SH3RF3: variants seen among roughly 807,000 people sequenced by gnomAD.
SH3RF3 encodes SH3 domain containing ring finger 3.
SH3RF3 carries 29 observed loss-of-function variants against 66.3 expected under a neutral mutation model. The ratio of observed to expected loss-of-function variants is 0.44; its 90% CI spans 0.33 to 0.60. The LOEUF (loss-of-function observed/expected upper bound fraction) is 0.60. SH3RF3 is among the 20% of genes least tolerant of loss of function. SH3RF3 has a pLI of 0.04. For missense variants in SH3RF3, 1,194 were observed against 1,190.9 expected (o/e 1.00, Z -0.04); for synonymous variants, 583 against 532.0 (o/e 1.10, Z -1.32).
chr2:109,153,636 A>G (rs528907403), intron 1 of SH3RF3, among the ~76,000 whole-genome samples: 39 of 152,194 alleles, frequency 2.6e-4, no homozygotes, highest in African/African-American at 9.4e-4. Context: ...GTGGCATAGT[A>G]AAACATGAGA....
At chr2:109,455,042 T>C (rs975386839) in intron 8 of SH3RF3, among the ~76,000 whole-genome samples, 2 of 152,224 alleles carry the variant, frequency 1.3e-5, no homozygotes, top group Non-Finnish European at 2.9e-5. Flanking sequence ...CCATTTTCCA[T>C]GATGTTCCTG....
rs1000226594 is a variant in SH3RF3, at chr2:109,372,172, G to A, written c.945+491G>A. Among the ~76,000 whole-genome samples, 6 of 152,358 alleles carry A rather than the reference G, an allele frequency of 3.9e-5. No homozygotes were observed. The South Asian group carries it at 8.3e-4, about 21-fold the overall frequency. On this transcript the variant is annotated intron_variant, in intron 3 of 9. Coordinates refer to ENST00000309415, the MANE Select transcript of SH3RF3 (RefSeq NM_001099289.3). ...TATTGGGCAACTCTTCTGCCTGAGA[G>A]GCACCACAGCAAAGGTGTTTTGAGG... is the stretch of plus-strand genomic sequence containing the variant.
At chr2:109,405,646 T>C (rs1676434454) in intron 4 of SH3RF3, among the ~76,000 whole-genome samples, 1 of 152,240 alleles carries the variant, frequency 6.6e-6, no homozygotes, top group Non-Finnish European at 1.5e-5. Flanking sequence ...AGAAGGCTCC[T>C]GCCCGCCCTT....
intron 2 of SH3RF3, among the ~76,000 whole-genome samples, chr2:109,348,825 G>A (rs1213835667): frequency 6.6e-6 from 1 of 151,806 alleles, no homozygotes; most frequent in Non-Finnish European, 1.5e-5. Flanking sequence ...CCTGCTCCCC[G>A]CCGCCCCCAG....
intron 1 of SH3RF3, among the ~76,000 whole-genome samples, chr2:109,230,419 A>G (rs1479357060): frequency 6.6e-6 from 1 of 152,074 alleles, no homozygotes; most frequent in Non-Finnish European, 1.5e-5. Context: ...TTTACTAAAA[A>G]AAATGGAAAA....
At position 109,356,171 on chromosome 2, in the gene SH3RF3, G is replaced by A. The variant is rs373050737; in HGVS notation, c.849+8222G>A. ...CTTAGAGTTAATTATGGATTTTTAG[G>A]TACAGGGAGTGGCTGACTTCCTGCA... On this transcript the variant is annotated intron_variant, in intron 2 of 9. Coordinates refer to ENST00000309415, the MANE Select transcript of SH3RF3 (RefSeq NM_001099289.3). Among the ~76,000 whole-genome samples the A allele has an allele frequency of 2.0e-5, 3 of 152,172 alleles. No homozygotes were observed. In the East Asian group the frequency reaches 5.8e-4, roughly 29 times the overall value.
At chr2:109,468,445 G>A (rs1482193056) in intron 8 of SH3RF3, among the ~76,000 whole-genome samples, 2 of 152,116 alleles carry the variant, frequency 1.3e-5, no homozygotes, top group South Asian at 2.1e-4. Context: ...TGACCAAAAC[G>A]TCCTTATGTA....
Position 109,494,932 on chromosome 2 carries a change from A to G in SH3RF3, c.2480+3996A>G, listed in dbSNP as rs187003781. On this transcript the variant is annotated intron_variant, in intron 9 of 9. Coordinates refer to ENST00000309415, the MANE Select transcript of SH3RF3 (RefSeq NM_001099289.3). The stretch of plus-strand genomic sequence containing the variant: ...TGCTGCAGAGGGAGCTCCTCTGAGA[A>G]AGGACTAGGGGAGTGTACTGTGAGC... 7.9e-5 allele frequency among the ~76,000 whole-genome samples: 12 copies of G among 152,078 alleles called. No homozygotes were observed. The East Asian group carries it at 2.3e-3, about 30-fold the overall frequency.
At chr2:109,317,640 A>C (rs1317009313) in intron 1 of SH3RF3, among the ~76,000 whole-genome samples, 1 of 152,130 alleles carries the variant, frequency 6.6e-6, no homozygotes, top group Middle Eastern at 3.2e-3. Context: ...GGAAAAAGAG[A>C]ACTGGCTGAG....
intron 1 of SH3RF3, among the ~76,000 whole-genome samples, chr2:109,223,004 G>A (rs1437042947): frequency 6.6e-6 from 1 of 152,226 alleles, no homozygotes; most frequent in Non-Finnish European, 1.5e-5. Flanking sequence ...ACCCTTCAGG[G>A]TGAAGAGGGC....
At chr2:109,344,996 C>G (rs1235943533) in intron 1 of SH3RF3, among the ~76,000 whole-genome samples, 1 of 152,112 alleles carries the variant, frequency 6.6e-6, no homozygotes, top group Admixed American at 6.5e-5. Flanking sequence ...AGGGGGGTGT[C>G]AGGGAGGCCT....
rs1046291249 is a variant in SH3RF3 at position 109,347,785 on chromosome 2, G to C, written c.685G>C (p.Glu229Gln). Residue 229 changes from glutamate to glutamine, a missense_variant, in exon 2 of 10, where the codon GAA (glutamate) becomes CAA (glutamine). Physicochemically the swap from Glu to Gln is conservative, Grantham distance 29. Coordinates refer to ENST00000309415, the MANE Select transcript of SH3RF3 (RefSeq NM_001099289.3). The stretch of plus-strand genomic sequence containing the variant: ...CATCGTCCTGCGGCGCAAGGTGGAT[G>C]AACAGTGGTACCACGGCGAGCTGCA... The part of the protein sequence containing the change: ...DIIVLRRKVD[E>Q]QWYHGELHGT... The C allele has an allele frequency of 6.2e-7, 1 of 1,613,876 alleles. No homozygotes were observed.
chr2:109,289,439 A>G (rs895186621), intron 1 of SH3RF3, among the ~76,000 whole-genome samples: 1 of 152,110 alleles, frequency 6.6e-6, no homozygotes. Flanking sequence ...GGATTTCTTG[A>G]TGCTACATGT....
chr2:109,350,745 T>A (rs1215216569), intron 2 of SH3RF3, among the ~76,000 whole-genome samples: 3 of 152,242 alleles, frequency 2.0e-5, no homozygotes, highest in Non-Finnish European at 1.5e-5. Context: ...AACCTCCATG[T>A]GAATCAGACC....
chr2:109,248,831 CTT>C (rs1679984572), intron 1 of SH3RF3, among the ~76,000 whole-genome samples: 1 of 150,028 alleles, frequency 6.7e-6, no homozygotes, highest in Non-Finnish European at 1.5e-5. Flanking sequence ...CTCTTTCTCT[CTT>C]TTCTCCTTTT....
chr2:109,304,380 G>A (rs1477691580), intron 1 of SH3RF3, among the ~76,000 whole-genome samples: 1 of 152,102 alleles, frequency 6.6e-6, no homozygotes, highest in Non-Finnish European at 1.5e-5. Context: ...TTAACATAAT[G>A]TCCTCCAAGT....
chr2:109,215,106 A>G (rs1262219202), intron 1 of SH3RF3, among the ~76,000 whole-genome samples: 1 of 152,210 alleles, frequency 6.6e-6, no homozygotes, highest in African/African-American at 2.4e-5. Context: ...ACTAACCTCC[A>G]TACACATCAC....
chr2:109,329,081 A>G (rs990103491), intron 1 of SH3RF3, among the ~76,000 whole-genome samples: 1 of 152,016 alleles, frequency 6.6e-6, no homozygotes, highest in Non-Finnish European at 1.5e-5. Context: ...TTCTTCTGGG[A>G]ATATTTATCT....
intron 1 of SH3RF3, among the ~76,000 whole-genome samples, chr2:109,152,181 C>T (rs80164691): frequency 0.012 from 1,856 of 152,232 alleles, 28 homozygotes; most frequent in African/African-American, 0.038. Flanking sequence ...AAGTGCTCAG[C>T]GTCTTAGAAA....
Sources: gnomAD v4.1 joint callset for allele counts (sites outside exome capture counted in the v4.1 genomes callset) on GRCh38, gnomAD v4.1.1 for gene constraint, MANE v1.5 for transcripts, NCBI Gene and HGNC (gene_info 2026-07-23, HGNC 2026-07-21) for gene names.